Variants in REEP1 observed in about 807,000 individuals in gnomAD.
REEP1 encodes receptor accessory protein 1.
A neutral mutation model predicts 40.3 loss-of-function variants in REEP1; 22 were observed. The observed-to-expected ratio is 0.55, with a 90% CI of 0.39 to 0.78. REEP1 has a LOEUF of 0.78. Among genes scored for constraint, REEP1 ranks in the 30% least tolerant of loss-of-function variants. REEP1 has a pLI of 0.00. For missense variants in REEP1, 280 were observed against 361.1 expected (o/e 0.78, Z 1.82); for synonymous variants, 116 against 139.2 (o/e 0.83, Z 1.17).
chr2:86,280,958 C>T (rs1017366122), intron 2 of REEP1, among the ~76,000 whole-genome samples: 3 of 152,210 alleles, frequency 2.0e-5, no homozygotes, highest in Admixed American at 6.5e-5. Context: ...GAGGCAAAGG[C>T]ATGGCTATTA....
At position 86,258,033 on chromosome 2, in the gene REEP1, G is replaced by GTAA; in HGVS notation, c.183-3220_183-3219insTTA. On this transcript the variant is annotated intron_variant, in intron 3 of 8. Coordinates refer to ENST00000538924, the MANE Select transcript of REEP1 (RefSeq NM_001371279.1). ...TTACCTACTTCAGCCGAGCTACAAG[G>GTAA]GAACCTCTTTGTGAACGGTGCTGAG... 2.6e-5 allele frequency among the ~76,000 whole-genome samples: 4 copies of GTAA among 152,302 alleles called. No homozygotes were observed. In the South Asian group the frequency reaches 8.3e-4, roughly 32 times the overall value.
chr2:86,284,735 T>C (rs1282345193), intron 1 of REEP1, among the ~76,000 whole-genome samples: 2 of 152,088 alleles, frequency 1.3e-5, no homozygotes, highest in Non-Finnish European at 2.9e-5. Context: ...AGCTGATTGA[T>C]GGGATCCCCG....
intron 2 of REEP1, among the ~76,000 whole-genome samples, chr2:86,266,415 C>A: frequency 6.6e-6 from 1 of 150,784 alleles, no homozygotes; most frequent in Middle Eastern, 3.4e-3. Context: ...GTCAGGAGAT[C>A]GAGACCATCC....
chr2:86,241,666 G>A (rs1486060996), intron 5 of REEP1, among the ~76,000 whole-genome samples: 1 of 152,186 alleles, frequency 6.6e-6, no homozygotes, highest in Non-Finnish European at 1.5e-5. Context: ...AGACCCTGGT[G>A]CCGATCACAG....
chr2:86,316,473 G>A (rs140794408), intron 1 of REEP1, among the ~76,000 whole-genome samples: 3,480 of 148,394 alleles, frequency 0.023, 144 homozygotes, highest in African/African-American at 0.08. Flanking sequence ...ACTTGAACCT[G>A]GCAGGCAGAG....
At chr2:86,303,567 G>T (rs1472719474) in intron 1 of REEP1, among the ~76,000 whole-genome samples, 1 of 151,978 alleles carries the variant, frequency 6.6e-6, no homozygotes, top group Non-Finnish European at 1.5e-5. Context: ...GTCTTGCTAT[G>T]TTTCCCAGGC....
intron 4 of REEP1, among the ~76,000 whole-genome samples, chr2:86,253,636 C>T (rs1054295250): frequency 8.5e-5 from 13 of 152,130 alleles, no homozygotes; most frequent in African/African-American, 2.9e-4. Context: ...GATTTGATAA[C>T]CAGGTCAAGA....
At position 86,337,412 on chromosome 2, in the gene REEP1, G is replaced by C. The variant is rs1681100270; in HGVS notation, c.32+67C>G. 1 of 1,105,438 alleles carries C rather than the reference G, an allele frequency of 9.0e-7. No homozygotes were observed. Among genetic ancestry groups the C allele is most frequent in the African/African-American group, 1.6e-5 (1 of 60,706 alleles). 68.5% of individuals were successfully genotyped at this position (1,105,438 alleles called of 1,614,324 possible). A position where few individuals can be genotyped will look rare whatever the true frequency, so the allele number is the denominator to read the frequency against. On this transcript the variant is annotated intron_variant, in intron 1 of 8. Transcript: ENST00000538924. This position sits in a 1 kb window ranked among gnomAD's most constrained non-coding sequence, Gnocchi z 5.8. ...CACTGGGACCGGGCGCTGTAGGGGC[G>C]CGCGCAGCCCGGGGCCGGGGGCGGG... is the stretch of plus-strand genomic sequence containing the variant.
At chr2:86,274,518 T>C (rs1169367518) in intron 2 of REEP1, among the ~76,000 whole-genome samples, 1 of 152,216 alleles carries the variant, frequency 6.6e-6, no homozygotes, top group Non-Finnish European at 1.5e-5. Flanking sequence ...GACTCAGAGA[T>C]GGAAACCATA....
Position 86,332,436 on chromosome 2 carries a change from AACACACACACACACACACACAC to A in REEP1, c.32+5021_32+5042del, listed in dbSNP as rs55793634. Among the ~76,000 whole-genome samples, 4 of 136,230 alleles carry A rather than the reference AACACACACACACACACACACAC, an allele frequency of 2.9e-5. No individual in the cohort carries two copies. In the South Asian group the frequency reaches 1.0e-3, roughly 35 times the overall value. The allele number at this position is 136,230 out of a possible 152,430, so 89.4% of individuals were successfully genotyped here. A position where few individuals can be genotyped will look rare whatever the true frequency, so the allele number is the denominator to read the frequency against. On this transcript the variant is annotated intron_variant, in intron 1 of 8. Coordinates refer to ENST00000538924, the MANE Select transcript of REEP1 (RefSeq NM_001371279.1). ...CCCTAGCCTCCCTAACTTTCCTGGAAACACACACACACACACACACACACACACACACACACACGTTCACTCA... is the reference window on the plus strand; with the variant it reads ...CCCTAGCCTCCCTAACTTTCCTGGAAACACACACACACACACGTTCACTCA...
intron 1 of REEP1, among the ~76,000 whole-genome samples, chr2:86,303,212 GTTTTTTTTTT>G (rs35002382): frequency 2.9e-5 from 2 of 69,056 alleles, no homozygotes; most frequent in East Asian, 4.2e-4. Context: ...CCGGCTAATT[GTTTTTTTTTT>G]TTTTTTTTTT....
At chr2:86,283,558 C>A (rs946151593) in intron 1 of REEP1, among the ~76,000 whole-genome samples, 1 of 152,218 alleles carries the variant, frequency 6.6e-6, no homozygotes, top group Non-Finnish European at 1.5e-5. Flanking sequence ...ATTTACCAAG[C>A]AGGGGTCAGC....
rs185622553 is a variant in REEP1 at position 86,226,245 on chromosome 2, C to A, written c.631+1118G>T. On this transcript the variant is annotated intron_variant, in intron 7 of 8. Coordinates refer to ENST00000538924, the MANE Select transcript of REEP1 (RefSeq NM_001371279.1). The stretch of plus-strand genomic sequence containing the variant: ...GGCCGGGAAGCAGGGATCTCATCTC[C>A]GTTTTAAGAGGAGGAACTGAAGCTC... Among the ~76,000 whole-genome samples, 536 of 152,150 alleles carry A rather than the reference C, an allele frequency of 3.5e-3. 4 individuals are homozygous for A. Among genetic ancestry groups the A allele is most frequent in the Admixed American group, 8.3e-3 (127 of 15,274 alleles).
Position 86,312,457 on chromosome 2 carries a change from G to A in REEP1, c.32+25022C>T, listed in dbSNP as rs74821999. 7.8e-4 allele frequency among the ~76,000 whole-genome samples: 119 copies of A among 152,268 alleles called. 1 individual carries two copies. The East Asian group carries it at 0.022, about 28-fold the overall frequency. ...CTATAAATGATCCATTCATGGAGAT[G>A]GGGCTGCAGCAACACTTAGGCAAAG... On this transcript the variant is annotated intron_variant, in intron 1 of 8. Transcript: ENST00000538924.
intron 3 of REEP1, 82 bp downstream of exon 3, chr2:86,263,883 G>A: frequency 9.9e-7 from 1 of 1,005,064 alleles, no homozygotes; most frequent in East Asian, 2.4e-5. Context: ...GTTTGAGGCT[G>A]GGTTCAGCCC....
At chr2:86,274,945 C>G (rs1178144712) in intron 2 of REEP1, among the ~76,000 whole-genome samples, 13 of 152,272 alleles carry the variant, frequency 8.5e-5, no homozygotes, top group African/African-American at 2.6e-4. Flanking sequence ...CCATTCTACC[C>G]CACTGCCAGA....
intron 5 of REEP1, among the ~76,000 whole-genome samples, chr2:86,251,098 C>T (rs568494417): frequency 7.2e-5 from 11 of 152,214 alleles, no homozygotes; most frequent in Non-Finnish European, 1.3e-4. Context: ...ACTGCCTTCC[C>T]TCCACCACCA....
intron 5 of REEP1, 79 bp from the exon 6 acceptor site, chr2:86,232,881 T>G: frequency 1.4e-6 from 2 of 1,398,146 alleles, no homozygotes; most frequent in Non-Finnish European, 2.0e-6. Flanking sequence ...GAGGGAGCTC[T>G]GATGGTCAGC....
chr2:86,307,734 A>G (rs1679566841), intron 1 of REEP1, among the ~76,000 whole-genome samples: 1 of 152,194 alleles, frequency 6.6e-6, no homozygotes. Context: ...CGTCTCAAAA[A>G]AAAAAAGACA....
Sources: allele counts gnomAD v4.1 joint callset (sites outside exome capture counted in the v4.1 genomes callset), GRCh38; gene constraint gnomAD v4.1.1; non-coding constraint Gnocchi (gnomAD v3.1); transcripts MANE v1.5; gene names NCBI Gene and HGNC (gene_info 2026-07-23, HGNC 2026-07-21).